ABCA13: variants seen among roughly 807,000 people sequenced by gnomAD.
ABCA13 encodes the protein ATP-binding cassette sub-family A member 13.
In ABCA13, 476 loss-of-function variants were observed where a neutral mutation model predicts 478.7. The observed-to-expected ratio is 0.99, with a 90% confidence interval of 0.92 to 1.07. The LOEUF is 1.07. ABCA13 is among the 50% of genes least tolerant of loss of function. The pLI, the probability that ABCA13 is intolerant of heterozygous loss-of-function variation, is 0.00. For missense variants in ABCA13, 6,060 were observed against 5,910.6 expected (o/e 1.03, Z -0.83); for synonymous variants, 2,252 against 2,158.9 (o/e 1.04, Z -1.20).
At chr7:48,463,280 A>G (rs1563299108) in intron 43 of ABCA13, among the ~76,000 whole-genome samples, 1 of 152,236 alleles carries the variant, frequency 6.6e-6, no homozygotes, top group Non-Finnish European at 1.5e-5. Flanking sequence ...TTGCCTATCA[A>G]CTGGACGAAG....
chr7:48,317,270 C>T lies in ABCA13; in HGVS notation c.9973C>T (p.Pro3325Ser), dbSNP rs1271512259. 3.1e-6 allele frequency: 5 copies of T among 1,612,218 alleles called. No homozygotes were observed. The South Asian group carries it at 4.4e-5, about 14-fold the overall frequency. Residue 3325 changes from proline to serine, a missense_variant, in exon 27 of 62, where the codon CCA becomes TCA. Pro to Ser is a moderately conservative substitution (Grantham distance 74). Around this residue, in one of 3 missense-constraint regions of ABCA13, gnomAD observed 4,423 missense variants for 4,309.1 expected, o/e 1.03. Transcript: ENST00000435803. ...AAAAATACTATACACACCAAACACT[C>T]CAGAAATTAACAAGGTCATTCAAAA... is the stretch of plus-strand genomic sequence containing the variant. ...HGKILYTPNT[P>S]EINKVIQKAN...
intron 20 of ABCA13, among the ~76,000 whole-genome samples, chr7:48,293,201 C>CT (rs1245151767): frequency 1.5e-5 from 2 of 137,300 alleles, no homozygotes; most frequent in Non-Finnish European, 1.7e-5. Flanking sequence ...AGCCCCCCCC[C>CT]CGCCACACAC....
intron 28 of ABCA13, among the ~76,000 whole-genome samples, 156 bp from the exon 29 acceptor site, chr7:48,338,209 C>T (rs1409901414): frequency 6.6e-6 from 1 of 151,992 alleles, no homozygotes; most frequent in African/African-American, 2.4e-5. Flanking sequence ...AGATATTATC[C>T]TGTTATTTAT....
intron 32 of ABCA13, among the ~76,000 whole-genome samples, 200 bp downstream of exon 32, chr7:48,368,108 C>G (rs1398741865): frequency 2.6e-5 from 4 of 152,096 alleles, no homozygotes; most frequent in African/African-American, 7.2e-5. Context: ...CAGATATTTT[C>G]CACTGACATG....
At chr7:48,356,029 C>G in intron 31 of ABCA13, among the ~76,000 whole-genome samples, 1 of 151,758 alleles carries the variant, frequency 6.6e-6, no homozygotes, top group Non-Finnish European at 1.5e-5. Flanking sequence ...AATGTGGGGC[C>G]CCTCCCATGA....
chr7:48,231,244 A>AAAAC (rs746180990), intron 7 of ABCA13, among the ~76,000 whole-genome samples: 18 of 152,298 alleles, frequency 1.2e-4, no homozygotes, highest in East Asian at 9.6e-4. Flanking sequence ...TCAATAATAA[A>AAAAC]AAACAAACAA....
chr7:48,630,212 G>T (rs1452695798), intron 59 of ABCA13, among the ~76,000 whole-genome samples: 1 of 151,852 alleles, frequency 6.6e-6, no homozygotes, highest in Admixed American at 6.6e-5. Flanking sequence ...TCTTATATAG[G>T]TAAATTTCAT....
intron 35 of ABCA13, among the ~76,000 whole-genome samples, chr7:48,386,559 A>C (rs1585107415): frequency 6.6e-6 from 1 of 152,226 alleles, no homozygotes; most frequent in Non-Finnish European, 1.5e-5. Context: ...ACAGAACAGA[A>C]TAGAGAACCC....
intron 56 of ABCA13, among the ~76,000 whole-genome samples, chr7:48,586,580 G>A (rs1225546507): frequency 1.3e-5 from 2 of 152,086 alleles, no homozygotes; most frequent in Non-Finnish European, 2.9e-5. Flanking sequence ...GAATCCAAAA[G>A]TGCGGAGGGA....
At chr7:48,558,615 A>G (rs937401474) in intron 55 of ABCA13, among the ~76,000 whole-genome samples, 1 of 151,384 alleles carries the variant, frequency 6.6e-6, no homozygotes, top group Admixed American at 6.6e-5. Flanking sequence ...GTATTTTTCG[A>G]CTCTAGAATT....
At chr7:48,573,076 C>G (rs1368678586) in intron 55 of ABCA13, among the ~76,000 whole-genome samples, 1 of 151,752 alleles carries the variant, frequency 6.6e-6, no homozygotes, top group African/African-American at 2.4e-5. Flanking sequence ...ATTCCTGATA[C>G]TGGTATTTTG....
At chr7:48,171,645 G>A (rs1794085325) in intron 1 of ABCA13, 93 bp downstream of exon 1, 1 of 1,375,934 alleles carries the variant, frequency 7.3e-7, no homozygotes, top group African/African-American at 1.4e-5. Context: ...CCTCCTGGCA[G>A]GTAAAAACAC....
intron 42 of ABCA13, among the ~76,000 whole-genome samples, chr7:48,449,574 TC>T (rs1435542053): frequency 6.6e-6 from 1 of 152,178 alleles, no homozygotes; most frequent in Non-Finnish European, 1.5e-5. Context: ...GTGTGTGACT[TC>T]CCCTGTGAGA....
chr7:48,189,782 G>A (rs1232292851), intron 1 of ABCA13, among the ~76,000 whole-genome samples: 1 of 152,056 alleles, frequency 6.6e-6, no homozygotes, highest in African/African-American at 2.4e-5. Flanking sequence ...TAAAAGGATT[G>A]ATAAATTAAT....
chr7:48,559,119 G>T (rs1786180387), intron 55 of ABCA13, among the ~76,000 whole-genome samples: 1 of 152,186 alleles, frequency 6.6e-6, no homozygotes, highest in African/African-American at 2.4e-5. Flanking sequence ...CCTTCAGGGG[G>T]TGAGTTCCCC....
intron 59 of ABCA13, among the ~76,000 whole-genome samples, chr7:48,629,597 A>AAAT (rs1793983913): frequency 6.9e-6 from 1 of 145,522 alleles, no homozygotes; most frequent in Non-Finnish European, 1.5e-5. Flanking sequence ...AAAAAAAAAA[A>AAAT]GCTGCAAAGT....
intron 58 of ABCA13, among the ~76,000 whole-genome samples, chr7:48,599,380 T>G (rs1790641186): frequency 6.6e-6 from 1 of 152,052 alleles, no homozygotes; most frequent in African/African-American, 2.4e-5. Context: ...AGTTTTTTTT[T>G]TATAAAACAC....
In ABCA13 at chr7:48,244,699, C is replaced by A. The variant is rs1325351491; in HGVS notation, c.1386C>A (p.Val462=). Residue 462 remains valine, a synonymous_variant, in exon 11 of 62, where the codon GTC becomes GTA. Transcript: ENST00000435803. ...CGATAGCTCAGAATTTACATTTTGTCCAAGGTAAGCTAGCTTTGGTGTTAT... is the reference window on the plus strand; with the variant it reads ...CGATAGCTCAGAATTTACATTTTGTACAAGGTAAGCTAGCTTTGGTGTTAT... ...RNAIAQNLHF[V]QEVLICLETS... is the part of the protein sequence containing the mutation. 3 of 1,592,960 alleles carry A rather than the reference C, an allele frequency of 1.9e-6. No individual in the cohort carries two copies. The highest frequency in any genetic ancestry group is 1.7e-5 in the Admixed American group (1 of 58,066).
chr7:48,276,698 T>A (rs892363676), intron 17 of ABCA13, 133 bp downstream of exon 17: 2 of 714,644 alleles, frequency 2.8e-6, no homozygotes, highest in African/African-American at 3.6e-5. Context: ...TGTAAATTTG[T>A]CTTAATAAAT....
Sources: gnomAD v4.1 joint callset for allele counts (sites outside exome capture counted in the v4.1 genomes callset) on GRCh38, gnomAD v4.1.1 for gene constraint, gnomAD v4.1.1 regional missense constraint, MANE v1.5 for transcripts, NCBI Gene and HGNC (gene_info 2026-07-23, HGNC 2026-07-21) for gene names.